The following PSD3 variants were observed in gnomAD, a reference collection of about 807,000 sequenced individuals.
The protein encoded by PSD3 is PH and SEC7 domain-containing protein 3.
Under a neutral mutation model 105.5 loss-of-function variants are expected in PSD3, and 49 were observed. The observed-to-expected ratio is 0.46, with a 90% CI of 0.37 to 0.59. The LOEUF (loss-of-function observed/expected upper bound fraction) is 0.59. Ranked by LOEUF, PSD3 falls within the 20% of genes least tolerant of loss-of-function variation. PSD3 has a pLI of 0.00. For synonymous variants in PSD3, 557 were observed against 457.8 expected, an observed-to-expected ratio of 1.22 and a Z score of -2.77; for missense variants, 1,561 against 1,263.8, an observed-to-expected ratio of 1.24 and a Z score of -3.57.
intron 1 of PSD3, among the ~76,000 whole-genome samples, chr8:18,970,251 G>C (rs1411463376): frequency 2.1e-5 from 3 of 145,068 alleles, no homozygotes; most frequent in Admixed American, 1.5e-4. Context: ...CATGAACCCG[G>C]GAGGCGGAGC....
In PSD3 at chr8:18,615,639, C is replaced by T. The variant is rs79730857; in HGVS notation, c.2411-15205G>A. Among the ~76,000 whole-genome samples the T allele has an allele frequency of 4.2e-3, 644 of 152,190 alleles. 4 individuals carry two copies. The highest frequency in any genetic ancestry group is 0.015 in the African/African-American group (616 of 41,536). Reference sequence around the variant, plus strand: ...AAATCAAGCATACTATGATTTTTTTCATAATATCTAGAGCAGTTTCTAGAC... The same window carrying T: ...AAATCAAGCATACTATGATTTTTTTTATAATATCTAGAGCAGTTTCTAGAC... On this transcript the variant is annotated intron_variant, in intron 11 of 15. Transcript: ENST00000327040.
intron 4 of PSD3, among the ~76,000 whole-genome samples, chr8:18,831,451 G>A (rs894683074): frequency 1.3e-5 from 2 of 152,190 alleles, no homozygotes; most frequent in African/African-American, 2.4e-5. Flanking sequence ...GCCAGATGCC[G>A]TGGCTCATGC....
rs142903818 is a variant in PSD3, at chr8:18,612,088, G to C, written c.2411-11654C>G. Among the ~76,000 whole-genome samples, 449 of 152,202 alleles carry C rather than the reference G, an allele frequency of 3.0e-3. 1 individual carries two copies. The highest frequency in any genetic ancestry group is 0.01 in the African/African-American group (422 of 41,540). On this transcript the variant is annotated intron_variant, in intron 11 of 15. Transcript: ENST00000327040. ...GAAGAAAAACAAGCTGTACGGAAAA[G>C]AAAAATAACTAAATTATTATAACCC...
At chr8:19,068,906 G>A (rs1260217279) in intron 1 of PSD3, among the ~76,000 whole-genome samples, 1 of 151,998 alleles carries the variant, frequency 6.6e-6, no homozygotes, top group East Asian at 1.9e-4. Flanking sequence ...TCAAGGGGTG[G>A]CCTGGAAAGG....
At chr8:18,537,924 G>A (rs892290809) in intron 15 of PSD3, among the ~76,000 whole-genome samples, 7 of 152,140 alleles carry the variant, frequency 4.6e-5, no homozygotes, top group African/African-American at 7.2e-5. Context: ...TGATCCACCC[G>A]CCTCGGCCTC....
intron 13 of PSD3, among the ~76,000 whole-genome samples, chr8:18,574,566 T>A (rs1802358136): frequency 6.6e-6 from 1 of 152,162 alleles, no homozygotes; most frequent in Non-Finnish European, 1.5e-5. Flanking sequence ...TAGAATGACA[T>A]CTTTTCCTTC....
rs569183636 is a variant in PSD3 at position 18,776,392 on chromosome 8, T to G, written c.2083-10854A>C. On this transcript the variant is annotated intron_variant, in intron 8 of 15. Transcript: ENST00000327040. ...TATATGTATATATATAATTTTTTTTTTTTGTTTTTGAGACGGAGTCTCGAT... is the reference window on the plus strand; with the variant it reads ...TATATGTATATATATAATTTTTTTTGTTTGTTTTTGAGACGGAGTCTCGAT... Among the ~76,000 whole-genome samples the G allele has an allele frequency of 2.6e-3, 386 of 148,572 alleles. 1 individual carries two copies. Among genetic ancestry groups the G allele is most frequent in the African/African-American group, 7.7e-3 (315 of 40,934 alleles).
intron 1 of PSD3, among the ~76,000 whole-genome samples, chr8:18,945,257 A>C (rs1285699277): frequency 6.6e-6 from 1 of 152,204 alleles, no homozygotes; most frequent in Non-Finnish European, 1.5e-5. Context: ...TGGATTAGCC[A>C]AGTGAACCCT....
intron 1 of PSD3, among the ~76,000 whole-genome samples, chr8:19,059,959 G>A (rs1190593774): frequency 6.6e-6 from 1 of 152,206 alleles, no homozygotes; most frequent in Non-Finnish European, 1.5e-5. Context: ...GGAAATCAAT[G>A]GATGAGCAAG....
chr8:18,699,866 C>CAA (rs67238769), intron 9 of PSD3, among the ~76,000 whole-genome samples: 3 of 141,008 alleles, frequency 2.1e-5, no homozygotes, highest in Non-Finnish European at 3.1e-5. Context: ...GATCCCCACC[C>CAA]AAAAAAAAAA....
rs1214026458 is a variant in PSD3 at position 18,533,349 on chromosome 8, TA to T, written c.*2393del. On this transcript the variant is annotated 3_prime_UTR_variant, in exon 16 of 16. Coordinates refer to ENST00000327040, the MANE Select transcript of PSD3 (RefSeq NM_015310.4). ...ACAAAAGAACCTTTAAAGTTGTTTT[TA>T]AAGATAAACTATGCAAACATGGTAT... 6.6e-6 allele frequency: 1 copy of T among 152,220 alleles called. No individual in the cohort carries two copies. The highest frequency in any genetic ancestry group is 6.5e-5 in the Admixed American group (1 of 15,282). The allele number at this position is 152,220 out of a possible 1,614,324, so 9.4% of individuals were successfully genotyped here.
chr8:18,678,597 A>G (rs1800200221), intron 9 of PSD3, among the ~76,000 whole-genome samples: 1 of 152,210 alleles, frequency 6.6e-6, no homozygotes, highest in Non-Finnish European at 1.5e-5. Context: ...GGATCGCCTG[A>G]GGTTGGGAGT....
At chr8:18,985,791 T>C (rs1825470957) in intron 1 of PSD3, among the ~76,000 whole-genome samples, 1 of 152,148 alleles carries the variant, frequency 6.6e-6, no homozygotes, top group Non-Finnish European at 1.5e-5. Context: ...TATTAAAATA[T>C]TAGAATGATG....
chr8:19,010,338 T>C, intron 1 of PSD3, among the ~76,000 whole-genome samples: 1 of 152,138 alleles, frequency 6.6e-6, no homozygotes, highest in East Asian at 1.9e-4. Flanking sequence ...CCCAAGTTTG[T>C]TGACCTTCTG....
chr8:18,751,550 C>T (rs926727921), intron 9 of PSD3, among the ~76,000 whole-genome samples: 72 of 151,906 alleles, frequency 4.7e-4, no homozygotes, highest in Non-Finnish European at 7.6e-4. Flanking sequence ...GAAACTCAGG[C>T]ACAAAGTGAA....
chr8:18,829,295 T>G (rs751430844), intron 4 of PSD3, among the ~76,000 whole-genome samples: 15 of 152,088 alleles, frequency 9.9e-5, no homozygotes, highest in Non-Finnish European at 1.9e-4. Context: ...TTGAAAAGTA[T>G]GTTCTCTATA....
At chr8:18,838,048 A>T (rs1814273135) in intron 4 of PSD3, among the ~76,000 whole-genome samples, 1 of 152,252 alleles carries the variant, frequency 6.6e-6, no homozygotes, top group Non-Finnish European at 1.5e-5. Context: ...ACTAAAGAAC[A>T]TAATTATGAA....
intron 1 of PSD3, among the ~76,000 whole-genome samples, chr8:18,992,123 G>GT (rs1825839162): frequency 6.6e-6 from 1 of 152,068 alleles, no homozygotes; most frequent in Non-Finnish European, 1.5e-5. Flanking sequence ...TTTATACCCT[G>GT]TTTTTATGAA....
chr8:18,816,429 T>A (rs896884448), intron 4 of PSD3, among the ~76,000 whole-genome samples: 2 of 152,232 alleles, frequency 1.3e-5, no homozygotes, highest in African/African-American at 4.8e-5. Flanking sequence ...GCCTCTTAAC[T>A]AATAAGCTAT....
Sources: gnomAD v4.1 joint callset for allele counts (sites outside exome capture counted in the v4.1 genomes callset) on GRCh38, gnomAD v4.1.1 for gene constraint, MANE v1.5 for transcripts, NCBI Gene and HGNC (gene_info 2026-07-23, HGNC 2026-07-21) for gene names.